The following USP13 variants were observed in gnomAD, a reference collection of about 807,000 sequenced individuals.
USP13 encodes the protein ubiquitin specific peptidase 13.
A neutral mutation model predicts 107.8 loss-of-function variants in USP13; 68 were observed. The observed-to-expected ratio is 0.63, with a 90% CI of 0.52 to 0.77. The LOEUF (loss-of-function observed/expected upper bound fraction) is 0.77. Ranked by LOEUF, USP13 falls within the 30% of genes least tolerant of loss-of-function variation. The probability of loss-of-function intolerance (pLI) is 0.00; values close to 1 mark genes in which losing one functional copy is unlikely to be tolerated. For synonymous variants in USP13, 377 were observed against 389.5 expected (o/e 0.97, Z 0.38); for missense variants, 945 against 1,093.3 (o/e 0.86, Z 1.91).
chr3:179,677,305 C>T (rs779094579), intron 1 of USP13, among the ~76,000 whole-genome samples: 12 of 151,146 alleles, frequency 7.9e-5, no homozygotes, highest in Non-Finnish European at 1.6e-4. Flanking sequence ...AATTTCTGGC[C>T]GGGTGCAGTG....
chr3:179,675,683 G>A (rs1157415357), intron 1 of USP13, among the ~76,000 whole-genome samples: 1 of 151,892 alleles, frequency 6.6e-6, no homozygotes. Flanking sequence ...GAGTAGCTGG[G>A]ACTAGAAGCG....
chr3:179,743,325 A>T (rs1182574874), intron 12 of USP13, among the ~76,000 whole-genome samples: 2 of 150,578 alleles, frequency 1.3e-5, no homozygotes, highest in African/African-American at 4.9e-5. Context: ...GCACACATAT[A>T]CTTATGTAAC....
At chr3:179,699,846 A>T (rs1020689965) in intron 3 of USP13, among the ~76,000 whole-genome samples, 1 of 151,846 alleles carries the variant, frequency 6.6e-6, no homozygotes, top group African/African-American at 2.4e-5. Context: ...ACACAAACAT[A>T]TACTAGGTTT....
intron 1 of USP13, among the ~76,000 whole-genome samples, chr3:179,667,103 C>G (rs1448114479): frequency 6.6e-6 from 1 of 152,206 alleles, no homozygotes; most frequent in Non-Finnish European, 1.5e-5. Flanking sequence ...GGATCTGTAG[C>G]AGAGGTACTT....
At chr3:179,750,304 G>GTATA (rs61032635) in intron 13 of USP13, among the ~76,000 whole-genome samples, 2,700 of 113,500 alleles carry the variant, frequency 0.024, 39 homozygotes, top group East Asian at 0.068. Flanking sequence ...ATATGTGTGT[G>GTATA]TATATATATA....
chr3:179,682,426 C>A (rs1353253063), intron 2 of USP13, among the ~76,000 whole-genome samples: 1 of 152,082 alleles, frequency 6.6e-6, no homozygotes, highest in Non-Finnish European at 1.5e-5. Flanking sequence ...CTCTCCCTCG[C>A]CAGAAGTAAC....
At chr3:179,764,983 G>T (rs955840490) in intron 18 of USP13, among the ~76,000 whole-genome samples, 1 of 152,106 alleles carries the variant, frequency 6.6e-6, no homozygotes, top group African/African-American at 2.4e-5. Context: ...TTTACTTGGG[G>T]TACTTTCTTG....
At chr3:179,694,799 C>CAAAGAAAAAAAAAAAAAA (rs1327789835) in intron 3 of USP13, among the ~76,000 whole-genome samples, 1 of 82,182 alleles carries the variant, frequency 1.2e-5, no homozygotes, top group Non-Finnish European at 2.5e-5. Context: ...AACTCCATCT[C>CAAAGAAAAAAAAAAAAAA]AAAAAAAAAA....
intron 4 of USP13, 139 bp downstream of exon 4, chr3:179,701,268 G>A: frequency 8.8e-7 from 1 of 1,141,886 alleles, no homozygotes; most frequent in Non-Finnish European, 1.2e-6. Flanking sequence ...AAATGAGCAT[G>A]AACACGCACA....
chr3:179,761,161 C>T lies in USP13; in HGVS notation c.1998C>T (p.Phe666=). 1 of 1,614,182 alleles carries T rather than the reference C, an allele frequency of 6.2e-7. No individual in the cohort carries two copies. Residue 666 remains phenylalanine (F), a synonymous_variant, in exon 17 of 21, where the codon TTC becomes TTT. Coordinates refer to ENST00000263966, the MANE Select transcript of USP13 (RefSeq NM_003940.3). ...TGATGCAGCTGGCCGAGATGGGTTT[C>T]CCGCTGGAAGCATGTCGCAAGGCTG... ...SSVMQLAEMG[F]PLEACRKAVY... is the part of the protein sequence containing the mutation.
intron 1 of USP13, among the ~76,000 whole-genome samples, chr3:179,670,497 C>CACTG (rs1285993026): frequency 3.3e-5 from 5 of 152,072 alleles, no homozygotes; most frequent in Non-Finnish European, 7.4e-5. Context: ...TGGGAGCCAA[C>CACTG]TAGAGTACAG....
Position 179,742,482 on chromosome 3 carries a change from C to A in USP13, c.1534+132C>A. 1 of 1,071,640 alleles carries A rather than the reference C, an allele frequency of 9.3e-7. No homozygotes were observed. The highest frequency in any genetic ancestry group is 1.3e-6 in the Non-Finnish European group (1 of 750,952). The allele number at this position is 1,071,640 out of a possible 1,614,324, so 66.4% of individuals were successfully genotyped here. A position where few individuals can be genotyped will look rare whatever the true frequency, so the allele number is the denominator to read the frequency against. On this transcript the variant is annotated intron_variant, in intron 12 of 20. Transcript: ENST00000263966. This position sits in a 1 kb window ranked among gnomAD's most constrained non-coding sequence, Gnocchi z 5.0. ...CCCAGGTGATGTCTGCTTTGCACAT[C>A]TCTTTTCATCTCTTTGTTAGTTCCC...
chr3:179,690,841 C>T (rs1339247620), intron 3 of USP13, among the ~76,000 whole-genome samples: 4 of 152,114 alleles, frequency 2.6e-5, no homozygotes, highest in African/African-American at 4.8e-5. Context: ...GGATTTCAGG[C>T]GTGAACCACT....
intron 15 of USP13, 112 bp downstream of exon 15, chr3:179,754,966 A>G: frequency 7.2e-7 from 1 of 1,395,854 alleles, no homozygotes; most frequent in Non-Finnish European, 9.6e-7. Context: ...TTGGTGGTCT[A>G]GCTGCCTTGC....
intron 10 of USP13, among the ~76,000 whole-genome samples, chr3:179,732,209 C>A (rs1356434723): frequency 6.6e-6 from 1 of 152,116 alleles, no homozygotes; most frequent in Non-Finnish European, 1.5e-5. Flanking sequence ...CTGGAAGGCT[C>A]CCATCTGAGA....
chr3:179,730,561 T>C (rs1024886666), intron 9 of USP13, 55 bp from the exon 10 acceptor site: 16 of 1,432,362 alleles, frequency 1.1e-5, no homozygotes, highest in Non-Finnish European at 1.5e-5. Flanking sequence ...AAATTTAATA[T>C]TACTATGGAA....
intron 19 of USP13, among the ~76,000 whole-genome samples, chr3:179,779,645 C>T (rs1302406377): frequency 2.1e-5 from 3 of 145,450 alleles, no homozygotes; most frequent in Admixed American, 7.0e-5. Flanking sequence ...GCTTCTGGGT[C>T]GGGGTTTTGT....
chr3:179,758,521 C>T (rs575015732), intron 16 of USP13, among the ~76,000 whole-genome samples: 6 of 150,566 alleles, frequency 4.0e-5, no homozygotes, highest in African/African-American at 9.8e-5. Flanking sequence ...TTTTTTGAGA[C>T]GGAGTCTTGC....
chr3:179,740,427 A>G, intron 11 of USP13, 55 bp downstream of exon 11: 2 of 1,610,342 alleles, frequency 1.2e-6, no homozygotes, highest in Non-Finnish European at 1.7e-6. Context: ...GTGCCGAGCC[A>G]CTCAGTGCAG....
Sources: allele counts gnomAD v4.1 joint callset (sites outside exome capture counted in the v4.1 genomes callset), GRCh38; gene constraint gnomAD v4.1.1; non-coding constraint Gnocchi (gnomAD v3.1); transcripts MANE v1.5; gene names NCBI Gene and HGNC (gene_info 2026-07-23, HGNC 2026-07-21).